RGS6: variants seen among roughly 807,000 people sequenced by gnomAD.
The protein encoded by RGS6 is regulator of G-protein signaling 6.
Under a neutral mutation model 78.5 loss-of-function variants are expected in RGS6, and 30 were observed. That is an observed-to-expected ratio of 0.38 (90% CI 0.29 to 0.52). The LOEUF is 0.52. RGS6 is among the 20% of genes least tolerant of loss of function. The pLI is 0.85. For synonymous variants in RGS6, 206 were observed against 206.0 expected, an observed-to-expected ratio of 1.00 and a Z score of 0.00; for missense variants, 495 against 609.7, an observed-to-expected ratio of 0.81 and a Z score of 1.98.
At chr14:72,577,887 T>C in the RGS6 span, among the ~76,000 whole-genome samples, 3 of 152,270 alleles carry the variant, frequency 2.0e-5, no homozygotes, top group East Asian at 5.8e-4. Context: ...CCAGAATACA[T>C]CTCGCTTTAA....
At chr14:72,361,876 G>A (rs1456418445) in intron 3 of RGS6, among the ~76,000 whole-genome samples, 1 of 152,134 alleles carries the variant, frequency 6.6e-6, no homozygotes, top group Admixed American at 6.5e-5. Flanking sequence ...GCAGCAGTTA[G>A]TAGCAGGACA....
chr14:72,210,003 CT>C (rs909847773), intron 2 of RGS6, among the ~76,000 whole-genome samples: 27 of 152,184 alleles, frequency 1.8e-4, no homozygotes, highest in African/African-American at 6.3e-4. Flanking sequence ...AGAGAGCACC[CT>C]TTTATGGACC....
Position 72,518,338 on chromosome 14 carries a change from G to T in RGS6, c.1092-13G>T. Reference sequence around the variant, plus strand: ...GCCCCCTGGAACTGACTGTGTTTCTGCTCCCACTTCAGGTTCTGGCTGGCT... The same window carrying T: ...GCCCCCTGGAACTGACTGTGTTTCTTCTCCCACTTCAGGTTCTGGCTGGCT... On this transcript the variant is annotated splice_polypyrimidine_tract_variant and intron_variant, in intron 14 of 17. Transcript: ENST00000553525. The T allele has an allele frequency of 6.2e-7, 1 of 1,610,614 alleles. No individual in the cohort carries two copies. Among genetic ancestry groups the T allele is most frequent in the Non-Finnish European group, 8.5e-7 (1 of 1,177,612 alleles).
chr14:72,545,252 C>T (rs1328588208), intron 17 of RGS6, among the ~76,000 whole-genome samples: 2 of 152,212 alleles, frequency 1.3e-5, no homozygotes, highest in African/African-American at 4.8e-5. Flanking sequence ...CACTGAGATC[C>T]AGCTGCAGTG....
At chr14:72,162,559 A>C (rs961456695) in intron 2 of RGS6, among the ~76,000 whole-genome samples, 1 of 152,186 alleles carries the variant, frequency 6.6e-6, no homozygotes, top group African/African-American at 2.4e-5. Flanking sequence ...AGGCAACTGT[A>C]AGACAGCGAT....
intron 2 of RGS6, among the ~76,000 whole-genome samples, chr14:71,971,938 A>G (rs1455547130): frequency 7.5e-6 from 1 of 133,470 alleles, no homozygotes; most frequent in Non-Finnish European, 1.5e-5. Context: ...TTTTTTTATC[A>G]GAGTGACAAC....
intron 10 of RGS6, among the ~76,000 whole-genome samples, chr14:72,474,919 G>A (rs2096195464): frequency 6.7e-6 from 1 of 149,874 alleles, no homozygotes; most frequent in Non-Finnish European, 1.5e-5. Context: ...CCTGGCAGGA[G>A]TAAAACAAGC....
intron 17 of RGS6, chr14:72,541,709 CA>C (rs1244026923): frequency 1.2e-4 from 160 of 1,388,922 alleles, no homozygotes; most frequent in Non-Finnish European, 1.4e-4. Context: ...GCTGACAAGC[CA>C]AGGGTGCCTG....
At chr14:72,491,109 T>A (rs1052583803) in intron 12 of RGS6, among the ~76,000 whole-genome samples, 1 of 152,194 alleles carries the variant, frequency 6.6e-6, no homozygotes. Context: ...CCTTTGCAAT[T>A]CAGTAGTAGG....
chr14:71,941,048 G>A (rs951694987), intron 1 of RGS6, among the ~76,000 whole-genome samples: 1 of 152,170 alleles, frequency 6.6e-6, no homozygotes, highest in Non-Finnish European at 1.5e-5. Context: ...AATCTTAGCA[G>A]ATTTGAGGCT....
intron 2 of RGS6, among the ~76,000 whole-genome samples, chr14:72,245,572 G>A (rs1166117236): frequency 7.2e-5 from 11 of 152,326 alleles, no homozygotes; most frequent in Admixed American, 2.0e-4. Context: ...TTCCTCCCTG[G>A]GCGGGCCAGG....
chr14:72,093,584 T>G (rs1408329009), intron 2 of RGS6, among the ~76,000 whole-genome samples: 1 of 152,204 alleles, frequency 6.6e-6, no homozygotes, highest in Admixed American at 6.5e-5. Flanking sequence ...TTATAAGCAT[T>G]GCTCTACAGT....
chr14:71,883,695 C>G, the RGS6 span, among the ~76,000 whole-genome samples: 1 of 152,186 alleles, frequency 6.6e-6, no homozygotes, highest in Non-Finnish European at 1.5e-5. Context: ...TGGCCAAAAC[C>G]CACTGAAACA....
chr14:71,900,666 T>C, the RGS6 span, among the ~76,000 whole-genome samples: 2 of 152,190 alleles, frequency 1.3e-5, no homozygotes, highest in African/African-American at 2.4e-5. Flanking sequence ...CTTCACTTCC[T>C]CCATAACAAG....
chr14:72,604,435 A>G, the RGS6 span, among the ~76,000 whole-genome samples: 1 of 152,278 alleles, frequency 6.6e-6, no homozygotes, highest in Non-Finnish European at 1.5e-5. Flanking sequence ...CTGTGTGCCT[A>G]TGGGACCACA....
At chr14:72,119,163 A>T (rs199879978) in intron 2 of RGS6, among the ~76,000 whole-genome samples, 1 of 152,212 alleles carries the variant, frequency 6.6e-6, no homozygotes, top group East Asian at 1.9e-4. Context: ...AAATAGATGT[A>T]AAAAGGAAGG....
intron 2 of RGS6, among the ~76,000 whole-genome samples, chr14:72,170,610 A>T (rs1422614650): frequency 2.0e-5 from 3 of 152,212 alleles, no homozygotes; most frequent in Admixed American, 2.0e-4. Flanking sequence ...GCTATGATTT[A>T]TTTAGGTCAA....
chr14:72,442,394 T>C (rs541838679), intron 3 of RGS6, among the ~76,000 whole-genome samples: 13 of 152,234 alleles, frequency 8.5e-5, no homozygotes, highest in African/African-American at 2.9e-4. Flanking sequence ...CTGTTTCCCA[T>C]TGATCCCAAG....
chr14:72,537,069 G>A (rs1194856294), intron 16 of RGS6, among the ~76,000 whole-genome samples: 1 of 152,172 alleles, frequency 6.6e-6, no homozygotes, highest in African/African-American at 2.4e-5. Flanking sequence ...GCAAGAGAGA[G>A]GGCTCCTGGT....
Sources: gnomAD v4.1 joint callset for allele counts (sites outside exome capture counted in the v4.1 genomes callset) on GRCh38, gnomAD v4.1.1 for gene constraint, MANE v1.5 for transcripts, NCBI Gene and HGNC (gene_info 2026-07-23, HGNC 2026-07-21) for gene names.